Variants in CHST9 observed in about 807,000 individuals in gnomAD.
The protein encoded by CHST9 is carbohydrate sulfotransferase 9.
In CHST9, 41 loss-of-function variants were observed where a neutral mutation model predicts 44.4. The observed-to-expected ratio is 0.92, with a 90% CI of 0.72 to 1.20. The LOEUF (loss-of-function observed/expected upper bound fraction) is 1.20, where lower values mean the gene tolerates loss of function less well. Ranked by LOEUF, CHST9 falls within the 50% of genes most tolerant of loss-of-function variation. The pLI, the probability that CHST9 is intolerant of heterozygous loss-of-function variation, is 0.00. For synonymous variants in CHST9, 171 were observed against 178.4 expected, an observed-to-expected ratio of 0.96 and a Z score of 0.33; for missense variants, 504 against 516.5, an observed-to-expected ratio of 0.98 and a Z score of 0.23.
chr18:27,134,682 T>C (rs192807059), intron 2 of CHST9, among the ~76,000 whole-genome samples: 36 of 152,286 alleles, frequency 2.4e-4, no homozygotes, highest in Non-Finnish European at 4.6e-4. Flanking sequence ...TGGGGTTATA[T>C]TTATATAATT....
intron 2 of CHST9, among the ~76,000 whole-genome samples, chr18:27,052,300 G>A (rs1440711452): frequency 7.0e-6 from 1 of 143,528 alleles, no homozygotes; most frequent in Non-Finnish European, 1.5e-5. Context: ...GTGTATATAT[G>A]TATATATGTG....
chr18:27,160,093 C>T (rs1598767923), intron 1 of CHST9, among the ~76,000 whole-genome samples: 4 of 152,092 alleles, frequency 2.6e-5, no homozygotes, highest in African/African-American at 9.7e-5. Context: ...TAATTGAATA[C>T]CCTTTATTTC....
intron 2 of CHST9, among the ~76,000 whole-genome samples, chr18:27,080,177 A>C (rs1181298751): frequency 6.6e-6 from 1 of 152,112 alleles, no homozygotes; most frequent in African/African-American, 2.4e-5. Flanking sequence ...TAAAATGACC[A>C]TAAAACAAGG....
chr18:27,032,597 G>T (rs1308806919), intron 3 of CHST9, among the ~76,000 whole-genome samples: 2 of 152,124 alleles, frequency 1.3e-5, no homozygotes, highest in Non-Finnish European at 2.9e-5. Flanking sequence ...GCACCTCAGG[G>T]TTTGTTACTA....
intron 3 of CHST9, among the ~76,000 whole-genome samples, chr18:27,028,189 CA>C (rs2143480843): frequency 1.3e-5 from 2 of 152,298 alleles, no homozygotes; most frequent in Non-Finnish European, 2.9e-5. Flanking sequence ...GCTGGGATTA[CA>C]GATGTGAGCC....
intron 2 of CHST9, among the ~76,000 whole-genome samples, chr18:27,115,331 A>G (rs1316081565): frequency 1.3e-5 from 2 of 152,166 alleles, no homozygotes; most frequent in Non-Finnish European, 2.9e-5. Context: ...TTCATGTACA[A>G]ATTTTTCTGT....
intron 5 of CHST9, among the ~76,000 whole-genome samples, chr18:26,920,991 C>T (rs182451150): frequency 2.2e-4 from 34 of 152,168 alleles, no homozygotes; most frequent in African/African-American, 7.2e-4. Context: ...GTGTAAGGCC[C>T]CTGACTTTAA....
intron 2 of CHST9, among the ~76,000 whole-genome samples, chr18:27,101,661 G>A (rs2058174075): frequency 6.6e-6 from 1 of 151,712 alleles, no homozygotes. Flanking sequence ...AAAATCTCAC[G>A]GCTATTAACT....
At chr18:27,087,532 A>G (rs1412963188) in intron 2 of CHST9, among the ~76,000 whole-genome samples, 4 of 152,210 alleles carry the variant, frequency 2.6e-5, no homozygotes, top group Non-Finnish European at 5.9e-5. Context: ...AGGAAAGTGT[A>G]CCAGGCATAT....
intron 2 of CHST9, among the ~76,000 whole-genome samples, chr18:27,124,277 A>T (rs1329251314): frequency 6.6e-6 from 1 of 152,256 alleles, no homozygotes; most frequent in Non-Finnish European, 1.5e-5. Flanking sequence ...GCAGAAATCA[A>T]GGATAACCTG....
chr18:26,949,235 G>GTA (rs888250233), intron 4 of CHST9, among the ~76,000 whole-genome samples: 2 of 152,134 alleles, frequency 1.3e-5, no homozygotes, highest in Admixed American at 1.3e-4. Flanking sequence ...GGAGCAGGTG[G>GTA]TATTTCTGAA....
intron 2 of CHST9, among the ~76,000 whole-genome samples, chr18:27,082,715 A>G (rs967335502): frequency 6.6e-6 from 1 of 152,180 alleles, no homozygotes; most frequent in East Asian, 1.9e-4. Context: ...AATACACAAG[A>G]AAAAGATATA....
intron 2 of CHST9, among the ~76,000 whole-genome samples, chr18:27,141,185 C>T (rs2058561514): frequency 6.6e-6 from 1 of 152,022 alleles, no homozygotes; most frequent in African/African-American, 2.4e-5. Context: ...GGTGAAACCC[C>T]GTCTCTACTA....
Position 26,911,143 on chromosome 18 carries a change from A to G in CHST9, c.*5116T>C, listed in dbSNP as rs2145032295. On this transcript the variant is annotated 3_prime_UTR_variant, in exon 6 of 6. Coordinates refer to ENST00000618847, the MANE Select transcript of CHST9 (RefSeq NM_031422.6). Reference sequence around the variant, plus strand: ...CTGGTCCTATAGATGCCTGAAGGTCACAGGCAGAAATATACGAATTCTACA... The same window carrying G: ...CTGGTCCTATAGATGCCTGAAGGTCGCAGGCAGAAATATACGAATTCTACA... 1 of 152,314 alleles carries G rather than the reference A, an allele frequency of 6.6e-6. No individual in the cohort carries two copies. The highest frequency in any genetic ancestry group is 2.4e-5 in the African/African-American group (1 of 41,572). The allele number at this position is 152,314 out of a possible 1,614,324, so 9.4% of individuals were successfully genotyped here.
chr18:27,081,493 C>A (rs965002877), intron 2 of CHST9, among the ~76,000 whole-genome samples: 2 of 152,162 alleles, frequency 1.3e-5, no homozygotes, highest in Non-Finnish European at 1.5e-5. Context: ...AAGCAGTGCA[C>A]CTACCTTACA....
At position 26,916,509 on chromosome 18, in the gene CHST9, A is replaced by T; in HGVS notation, c.1082T>A (p.Leu361Ter). The change falls in exon 6 of 6, where the codon TTG (leucine) becomes TAG (stop). Residue 361 changes from leucine to a stop codon, truncating the protein, a stop_gained. Coordinates refer to ENST00000618847, the MANE Select transcript of CHST9 (RefSeq NM_031422.6). LOFTEE classifies it high-confidence loss of function. ...EKVSKLCYPC[L>*]INYDFVGKFE... ...TTTCCCTACAAAATCATAGTTGATC[A>T]AACACGGATAGCAGAGTTTGCTGAC... The T allele has an allele frequency of 4.3e-6, 7 of 1,613,886 alleles. No homozygotes were observed. Among genetic ancestry groups the T allele is most frequent in the Non-Finnish European group, 5.9e-6 (7 of 1,179,784 alleles).
chr18:27,073,547 G>C (rs2057865557), intron 2 of CHST9, among the ~76,000 whole-genome samples: 1 of 152,194 alleles, frequency 6.6e-6, no homozygotes, highest in African/African-American at 2.4e-5. Context: ...GGGTAAACCT[G>C]CAGTGTGACC....
At chr18:27,069,801 T>C (rs55771443) in intron 2 of CHST9, among the ~76,000 whole-genome samples, 17,816 of 152,160 alleles carry the variant, frequency 0.12, 1,233 homozygotes, top group Middle Eastern at 0.24. Flanking sequence ...CTAAACTGAA[T>C]TGAGCACCAC....
chr18:27,013,069 C>A (rs1422680049), intron 4 of CHST9, among the ~76,000 whole-genome samples: 1 of 152,152 alleles, frequency 6.6e-6, no homozygotes, highest in Non-Finnish European at 1.5e-5. Context: ...TCTTTCATTA[C>A]TGTATGAGCT....
Sources: gnomAD v4.1 joint callset for allele counts (sites outside exome capture counted in the v4.1 genomes callset) on GRCh38, gnomAD v4.1.1 for gene constraint, MANE v1.5 for transcripts, NCBI Gene and HGNC (gene_info 2026-07-23, HGNC 2026-07-21) for gene names.